The following PDIA6 variants were observed in gnomAD, a reference collection of about 807,000 sequenced individuals.
PDIA6 encodes the protein protein disulfide isomerase family A member 6.
PDIA6 carries 29 observed loss-of-function variants against 58.4 expected under a neutral mutation model. The observed-to-expected ratio is 0.50, with a 90% CI of 0.37 to 0.68. PDIA6 has a LOEUF of 0.68. PDIA6 is among the 30% of genes least tolerant of loss of function. PDIA6 has a pLI of 0.00. For missense variants in PDIA6, 480 were observed against 551.0 expected, an observed-to-expected ratio of 0.87 and a Z score of 1.29; for synonymous variants, 192 against 202.6, an observed-to-expected ratio of 0.95 and a Z score of 0.44.
chr2:10,831,384 A>T (rs1437863770), intron 1 of PDIA6, among the ~76,000 whole-genome samples: 1 of 152,188 alleles, frequency 6.6e-6, no homozygotes, highest in Admixed American at 6.5e-5. Flanking sequence ...ACTAAGAATC[A>T]GCGGCACTGG....
Position 10,806,035 on chromosome 2 carries a change from A to C in PDIA6, c.20-3395T>G, listed in dbSNP as rs1210680846. Among the ~76,000 whole-genome samples the C allele has an allele frequency of 2.1e-3, 282 of 134,896 alleles. 4 individuals carry two copies. Among genetic ancestry groups the C allele is most frequent in the African/African-American group, 7.0e-3 (274 of 39,322 alleles). 88.5% of individuals were successfully genotyped at this position (134,896 alleles called of 152,430 possible). ...AACTTAAAGTATAATTAAAAAAAAA[A>C]AAAAAAAAACGAAAAAAACCTTACA... On this transcript the variant is annotated intron_variant, in intron 1 of 12. Coordinates refer to ENST00000272227, the MANE Select transcript of PDIA6 (RefSeq NM_005742.4).
At chr2:10,793,513 C>T (rs1192567207) in intron 4 of PDIA6, among the ~76,000 whole-genome samples, 3 of 152,106 alleles carry the variant, frequency 2.0e-5, no homozygotes, top group Non-Finnish European at 4.4e-5. Flanking sequence ...CTCCCGGGTT[C>T]GAGTGATTTC....
At position 10,821,383 on chromosome 2, in the gene PDIA6, CT is replaced by C. The variant is rs538689737; in HGVS notation, c.-47-2030del. 9 of 153,738 alleles carry C rather than the reference CT, an allele frequency of 5.9e-5. No individual in the cohort carries two copies. In the South Asian group the frequency reaches 1.8e-3, roughly 31 times the overall value. The allele number at this position is 153,738 out of a possible 1,614,324, so 9.5% of individuals were successfully genotyped here. On this transcript the variant is annotated intron_variant, in intron 1 of 13. Transcript: ENST00000381611. ...TTGAGTGTTAAAAAATGAATAATTG[CT>C]GTGAAGCCAAGGGGTAGAGGCAGGA...
intron 8 of PDIA6, among the ~76,000 whole-genome samples, chr2:10,789,333 GCCT>G (rs1170920004): frequency 7.3e-6 from 1 of 137,586 alleles, no homozygotes; most frequent in African/African-American, 2.9e-5. Flanking sequence ...GAGGCTCTGT[GCCT>G]CAATTTCCCC....
rs1217855484 is a variant in PDIA6 at position 10,804,922 on chromosome 2, C to A, written c.20-2282G>T. ...AAGTTGGATTCCTAGGTATTTTATTCTCTTTGAAGCAATTGTGAATGGGAG... is the reference window on the plus strand; with the variant it reads ...AAGTTGGATTCCTAGGTATTTTATTATCTTTGAAGCAATTGTGAATGGGAG... On this transcript the variant is annotated intron_variant, in intron 1 of 12. Coordinates refer to ENST00000272227, the MANE Select transcript of PDIA6 (RefSeq NM_005742.4). Among the ~76,000 whole-genome samples the A allele has an allele frequency of 1.9e-4, 23 of 122,218 alleles. No homozygotes were observed. In the Admixed American group the frequency reaches 2.1e-3, roughly 11 times the overall value. The allele number at this position is 122,218 out of a possible 152,430, so 80.2% of individuals were successfully genotyped here.
chr2:10,813,521 G>A (rs576102072), upstream of PDIA6, among the ~76,000 whole-genome samples: 25 of 152,326 alleles, frequency 1.6e-4, no homozygotes, highest in Admixed American at 1.5e-3. Context: ...GCGAGCAGTG[G>A]CATGATACAG....
At position 10,784,335 on chromosome 2, in the gene PDIA6, C is replaced by G. The variant is rs747146777; in HGVS notation, c.1255-9G>C. 5 of 1,610,440 alleles carry G rather than the reference C, an allele frequency of 3.1e-6. No homozygotes were observed. Among genetic ancestry groups the G allele is most frequent in the Non-Finnish European group, 4.2e-6 (5 of 1,178,416 alleles). ...TCATCCTCCACGGGAAGCTGGGAGA[C>G]GACAGAAAGCCACTGTTAGATCTGC... On this transcript the variant is annotated splice_polypyrimidine_tract_variant and intron_variant, in intron 12 of 12. Transcript: ENST00000272227.
At chr2:10,821,043 G>T in intron 1 of PDIA6, 1 of 534,584 alleles carries the variant, frequency 1.9e-6, no homozygotes, top group Non-Finnish European at 3.4e-6. Flanking sequence ...GTGAGGAGAT[G>T]GCCACAGAAT....
chr2:10,825,889 TG>T (rs1419066754), intron 1 of PDIA6, among the ~76,000 whole-genome samples: 2 of 152,188 alleles, frequency 1.3e-5, no homozygotes, highest in Non-Finnish European at 2.9e-5. Flanking sequence ...GAATGTAAAA[TG>T]GTGCAACCAC....
rs1375852838 is a variant in PDIA6, at chr2:10,812,658, C to A, written c.19+20G>T. 1 of 1,527,932 alleles carries A rather than the reference C, an allele frequency of 6.5e-7. No individual in the cohort carries two copies. 94.6% of individuals were successfully genotyped at this position (1,527,932 alleles called of 1,614,324 possible). Reference sequence around the variant, plus strand: ...GGCCGACCCCAGCTCGCCCGCCTCCCTCCGCTGGCCCGCACCTACCGAGCA... The same window carrying A: ...GGCCGACCCCAGCTCGCCCGCCTCCATCCGCTGGCCCGCACCTACCGAGCA... On this transcript the variant is annotated intron_variant, in intron 1 of 12. Coordinates refer to ENST00000272227, the MANE Select transcript of PDIA6 (RefSeq NM_005742.4).
chr2:10,810,232 G>A (rs1666946130), intron 1 of PDIA6: 2 of 1,359,824 alleles, frequency 1.5e-6, no homozygotes, highest in Admixed American at 3.9e-5. Flanking sequence ...AACACAGAAA[G>A]GATAACTTAC....
intron 1 of PDIA6, among the ~76,000 whole-genome samples, chr2:10,831,246 C>T (rs1282320383): frequency 6.6e-6 from 1 of 152,206 alleles, no homozygotes; most frequent in Non-Finnish European, 1.5e-5. Flanking sequence ...GACCCCGTGG[C>T]CAGGGCTGTG....
At chr2:10,800,380 CCAAAATCTGA>C (rs1352691664) in intron 2 of PDIA6, among the ~76,000 whole-genome samples, 1 of 152,166 alleles carries the variant, frequency 6.6e-6, no homozygotes, top group African/African-American at 2.4e-5. Flanking sequence ...TGCAAATCTT[CCAAAATCTGA>C]CAAAATCCAA....
chr2:10,821,899 C>T (rs1485278453), intron 1 of PDIA6, among the ~76,000 whole-genome samples: 1 of 151,904 alleles, frequency 6.6e-6, no homozygotes, highest in African/African-American at 2.4e-5. Flanking sequence ...TTTGGGATTA[C>T]AGGCTTGAGC....
intron 1 of PDIA6, among the ~76,000 whole-genome samples, chr2:10,808,829 T>C (rs1666873383): frequency 6.6e-6 from 1 of 152,208 alleles, no homozygotes; most frequent in African/African-American, 2.4e-5. Context: ...AATCTCATTA[T>C]TTTTCTTTTT....
Position 10,807,113 on chromosome 2 carries a change from T to C in PDIA6, c.20-4473A>G, listed in dbSNP as rs1368473190. Among the ~76,000 whole-genome samples, 3 of 152,230 alleles carry C rather than the reference T, an allele frequency of 2.0e-5. No individual in the cohort carries two copies. In the East Asian group the frequency reaches 5.8e-4, roughly 29 times the overall value. ...TATACAAAAATTTGCTGATTACCTCTAGAACAAGGTAAATAATGGAATATC... is the reference window on the plus strand; with the variant it reads ...TATACAAAAATTTGCTGATTACCTCCAGAACAAGGTAAATAATGGAATATC... On this transcript the variant is annotated intron_variant, in intron 1 of 12. Transcript: ENST00000272227.
intron 3 of PDIA6, 101 bp from the exon 4 acceptor site, chr2:10,797,308 G>C (rs960015550): frequency 1.7e-6 from 2 of 1,193,488 alleles, no homozygotes; most frequent in Non-Finnish European, 2.3e-6. Context: ...AGGTAATAAA[G>C]CACAGGGTGC....
intron 1 of PDIA6, among the ~76,000 whole-genome samples, chr2:10,808,315 C>G (rs1273468080): frequency 6.6e-6 from 1 of 152,188 alleles, no homozygotes. Flanking sequence ...AAACCATCTA[C>G]TGATTGGATT....
chr2:10,795,094 G>T (rs976420786), intron 4 of PDIA6, among the ~76,000 whole-genome samples: 14 of 152,148 alleles, frequency 9.2e-5, no homozygotes, highest in African/African-American at 3.4e-4. Flanking sequence ...TCTATGTCAG[G>T]TATTTCCGTC....
Sources: allele counts gnomAD v4.1 joint callset (sites outside exome capture counted in the v4.1 genomes callset), GRCh38; gene constraint gnomAD v4.1.1; transcripts MANE v1.5; gene names NCBI Gene and HGNC (gene_info 2026-07-23, HGNC 2026-07-21).